Variants in LRRC66 observed in about 807,000 individuals in gnomAD.
LRRC66 encodes the protein leucine-rich repeat-containing protein 66.
Under a neutral mutation model 24.6 loss-of-function variants are expected in LRRC66, and 29 were observed. The observed-to-expected ratio is 1.18, with a 90% confidence interval of 0.88 to 1.61. LRRC66 has a LOEUF of 1.61. Among genes scored for constraint, LRRC66 ranks in the 40% most tolerant of loss-of-function variants. The probability of loss-of-function intolerance (pLI) is 0.00; values close to 1 mark genes in which losing one functional copy is unlikely to be tolerated. For missense variants in LRRC66, 1,124 were observed against 1,058.0 expected, an observed-to-expected ratio of 1.06 and a Z score of -0.87; for synonymous variants, 411 against 397.6, an observed-to-expected ratio of 1.03 and a Z score of -0.40.
chr4:52,003,186 C>A, intron 3 of LRRC66, 37 bp downstream of exon 3: 1 of 1,530,104 alleles, frequency 6.5e-7, no homozygotes, highest in Non-Finnish European at 9.0e-7. Flanking sequence ...GCCCATGTGT[C>A]TTCCTTATTC....
rs1189690282 is a variant in LRRC66, at chr4:51,995,255, A to C, written c.1767T>G (p.Cys589Trp). 2 of 1,614,150 alleles carry C rather than the reference A, an allele frequency of 1.2e-6. No individual in the cohort carries two copies. Among genetic ancestry groups the C allele is most frequent in the Non-Finnish European group, 1.7e-6 (2 of 1,180,032 alleles). The change falls in exon 5 of 5, where the codon TGT (cysteine) becomes TGG (tryptophan). Residue 589 changes from cysteine to tryptophan, a missense_variant. Transcript: ENST00000682860. ...SLSGEITASL[C>W]KMLTHAEAQR... ...GTGCTTCTGCATGTGTTAGCATTTT[A>C]CAGAGGGAAGCTGTTATTTCTCCGG...
intron 2 of LRRC66, among the ~76,000 whole-genome samples, chr4:52,004,925 G>C (rs1478012985): frequency 6.6e-6 from 1 of 152,148 alleles, no homozygotes; most frequent in African/African-American, 2.4e-5. Flanking sequence ...GTTTAATATG[G>C]TCCAATGATA....
At position 51,994,990 on chromosome 4, in the gene LRRC66, C is replaced by A; in HGVS notation, c.2032G>T (p.Asp678Tyr). 1 of 1,614,124 alleles carries A rather than the reference C, an allele frequency of 6.2e-7. No individual in the cohort carries two copies. ...GGTTCCTTGTTAGCAGGAGTGACAT[C>A]CAGGCCACTGTCCCATCTTGGAGGA... The part of the protein sequence containing the change: ...VFPPRWDSGL[D>Y]VTPANKEPVQ... The change falls in exon 5 of 5, where the codon GAT becomes TAT. Residue 678 changes from aspartate (D) to tyrosine (Y), a missense_variant. Asp to Tyr is a radical substitution (Grantham distance 160, BLOSUM62 -3). Coordinates refer to ENST00000682860, the MANE Select transcript of LRRC66 (RefSeq NM_001024611.3).
At chr4:52,006,682 C>A (rs1736592706) in intron 2 of LRRC66, among the ~76,000 whole-genome samples, 3 of 136,434 alleles carry the variant, frequency 2.2e-5, no homozygotes, top group East Asian at 2.1e-4. Flanking sequence ...GCACATGTAC[C>A]CTAAAACTTA....
At chr4:52,003,103 C>G (rs1051977233) in intron 3 of LRRC66, 120 bp downstream of exon 3, 9 of 746,322 alleles carry the variant, frequency 1.2e-5, no homozygotes, top group Non-Finnish European at 1.9e-5. Flanking sequence ...AATAGACTAA[C>G]AGTTTTTGAT....
Position 51,995,377 on chromosome 4 carries a change from T to A in LRRC66, c.1645A>T (p.Ser549Cys). Reference protein sequence around the residue: ...YETVAQEEPLSAHSVGVSSVA... With the variant: ...YETVAQEEPLCAHSVGVSSVA... The stretch of plus-strand genomic sequence containing the variant: ...GAAGAGACGCCCACTGAATGTGCAC[T>A]GAGAGGCTCTTCCTGGGCCACAGTT... Residue 549 changes from serine (S) to cysteine (C), a missense_variant, in exon 5 of 5, where the codon AGT (serine) becomes TGT (cysteine). Ser to Cys is a moderately radical substitution (Grantham distance 112). Transcript: ENST00000682860. 1 of 1,614,170 alleles carries A rather than the reference T, an allele frequency of 6.2e-7. No homozygotes were observed. The highest frequency in any genetic ancestry group is 8.5e-7 in the Non-Finnish European group (1 of 1,180,020).
chr4:51,994,702 C>G lies in LRRC66; in HGVS notation c.2320G>C (p.Glu774Gln). 6.2e-7 allele frequency: 1 copy of G among 1,614,150 alleles called. No individual in the cohort carries two copies. Among genetic ancestry groups the G allele is most frequent in the Non-Finnish European group, 8.5e-7 (1 of 1,180,004 alleles). ...GKCKNQEDPFEKPLISAPDSG... is the reference protein window; with the variant it reads ...GKCKNQEDPFQKPLISAPDSG... The stretch of plus-strand genomic sequence containing the variant: ...TCTGGAGCAGAAATGAGAGGTTTTT[C>G]AAAGGGATCTTCTTGATTCTTGCAT... Residue 774 changes from glutamate to glutamine, a missense_variant, in exon 5 of 5, where the codon GAA becomes CAA. By Grantham distance (29) the Glu-to-Gln change is conservative (BLOSUM62 2). Coordinates refer to ENST00000682860, the MANE Select transcript of LRRC66 (RefSeq NM_001024611.3).
intron 1 of LRRC66, chr4:52,018,263 T>A: frequency 1.0e-6 from 1 of 985,182 alleles, no homozygotes; most frequent in Non-Finnish European, 1.2e-6. Flanking sequence ...GAAGATGTAA[T>A]ACGATACAGA....
In LRRC66 at chr4:52,003,263, T is replaced by C; in HGVS notation, c.626A>G (p.Lys209Arg). ...GTCCTTGAAGGCTTGTGGGGGAATT[T>C]TGAATATCTTGTTGCTCTTTAAACA... ...NLCLKSNKIFKIPPQAFKDLK... is the reference protein window; with the variant it reads ...NLCLKSNKIFRIPPQAFKDLK... Residue 209 changes from lysine to arginine, a missense_variant, in exon 3 of 5, where the codon AAA becomes AGA. Lys to Arg is a conservative substitution (Grantham distance 26, BLOSUM62 2). Transcript: ENST00000682860. The C allele has an allele frequency of 1.9e-6, 3 of 1,613,518 alleles. No homozygotes were observed. Among genetic ancestry groups the C allele is most frequent in the South Asian group, 2.2e-5 (2 of 90,788 alleles).
chr4:52,017,919 G>T, intron 1 of LRRC66: 2 of 985,402 alleles, frequency 2.0e-6, no homozygotes, highest in Non-Finnish European at 2.4e-6. Context: ...TCACTCCACA[G>T]TGTGCTTTGG....
intron 1 of LRRC66, 131 bp from the exon 2 acceptor site, chr4:52,017,749 T>C: frequency 1.5e-6 from 2 of 1,374,210 alleles, no homozygotes; most frequent in Non-Finnish European, 1.9e-6. Context: ...TAAGCGAATG[T>C]TTGATTTCTT....
intron 2 of LRRC66, among the ~76,000 whole-genome samples, chr4:52,003,697 G>T (rs1490485819): frequency 6.6e-6 from 1 of 152,172 alleles, no homozygotes; most frequent in Non-Finnish European, 1.5e-5. Context: ...AAAAGGCCTG[G>T]CAGGAGATAA....
chr4:52,008,196 T>A (rs751845426), intron 2 of LRRC66, among the ~76,000 whole-genome samples: 11 of 152,160 alleles, frequency 7.2e-5, no homozygotes, highest in South Asian at 2.1e-4. Flanking sequence ...CAGGTCATGA[T>A]ACCTAGCTGG....
At position 52,018,657 on chromosome 4, in the gene LRRC66, T is replaced by A. The variant is rs373992606; in HGVS notation, c.-5-1039A>T. 9.6e-6 allele frequency: 9 copies of A among 942,124 alleles called. No individual in the cohort carries two copies. The East Asian group carries it at 1.0e-3, about 110-fold the overall frequency. 58.4% of individuals were successfully genotyped at this position (942,124 alleles called of 1,614,324 possible). ...TACAATAACGTATTTCCTATATTATTCCTTCATTTGAAATCCTCAAAGGGC... is the reference window on the plus strand; with the variant it reads ...TACAATAACGTATTTCCTATATTATACCTTCATTTGAAATCCTCAAAGGGC... On this transcript the variant is annotated intron_variant, in intron 1 of 4. Coordinates refer to ENST00000682860, the MANE Select transcript of LRRC66 (RefSeq NM_001024611.3).
At chr4:52,002,201 T>C (rs1369253910) in intron 3 of LRRC66, among the ~76,000 whole-genome samples, 1 of 152,194 alleles carries the variant, frequency 6.6e-6, no homozygotes, top group Non-Finnish European at 1.5e-5. Flanking sequence ...AAAGATAATA[T>C]TGGATAAATA....
At chr4:52,016,290 G>C (rs1736809247) in intron 2 of LRRC66, among the ~76,000 whole-genome samples, 1 of 152,062 alleles carries the variant, frequency 6.6e-6, no homozygotes, top group Admixed American at 6.6e-5. Context: ...AACTAAATAT[G>C]CACAATTTGG....
chr4:51,996,048 TG>T lies in LRRC66; in HGVS notation c.973del (p.Gln325ArgfsTer125). ...SLIRSKAERP[Q>X]GGRHTGISTL... ...AGAAATGCCCGTGTGCCTTCCTCCC[TG>T]GGGCCTCTCTGCTTTGCTCCTTATG... On this transcript the variant is annotated frameshift_variant, in exon 5 of 5. Transcript: ENST00000682860. LOFTEE classifies it low-confidence loss of function (END_TRUNC). 2 of 1,614,056 alleles carry T rather than the reference TG, an allele frequency of 1.2e-6. No individual in the cohort carries two copies. The highest frequency in any genetic ancestry group is 8.5e-7 in the Non-Finnish European group (1 of 1,180,012).
rs1049090444 is a variant in LRRC66 at position 52,017,037 on chromosome 4, G to C, written c.496+81C>G. On this transcript the variant is annotated intron_variant, in intron 2 of 4. Coordinates refer to ENST00000682860, the MANE Select transcript of LRRC66 (RefSeq NM_001024611.3). ...TTACTTTCAGCTGTCCCTTGAACCTGAAAACAAATGTGGAATTCTTATGAA... is the reference window on the plus strand; with the variant it reads ...TTACTTTCAGCTGTCCCTTGAACCTCAAAACAAATGTGGAATTCTTATGAA... The C allele has an allele frequency of 4.1e-6, 6 of 1,467,394 alleles. 1 individual carries two copies. The highest frequency in any genetic ancestry group is 2.8e-5 in the African/African-American group (2 of 70,648). The allele number at this position is 1,467,394 out of a possible 1,614,324, so 90.9% of individuals were successfully genotyped here.
At chr4:52,004,164 G>A (rs1425312927) in intron 2 of LRRC66, among the ~76,000 whole-genome samples, 1 of 152,068 alleles carries the variant, frequency 6.6e-6, no homozygotes, top group Non-Finnish European at 1.5e-5. Flanking sequence ...CACCATGCCA[G>A]GCTAATTTCT....
Sources: gnomAD v4.1 joint callset for allele counts (sites outside exome capture counted in the v4.1 genomes callset) on GRCh38, gnomAD v4.1.1 for gene constraint, MANE v1.5 for transcripts, NCBI Gene and HGNC (gene_info 2026-07-23, HGNC 2026-07-21) for gene names.